USH2A: variants seen among roughly 807,000 people sequenced by gnomAD.
USH2A encodes usherin, also known as Usher syndrome 2A (autosomal recessive, mild).
In USH2A, 443 loss-of-function variants were observed where a neutral mutation model predicts 538.9. The ratio of observed to expected loss-of-function variants is 0.82; its 90% CI spans 0.76 to 0.89. The LOEUF is 0.89. Ranked by LOEUF, USH2A falls within the 40% of genes least tolerant of loss-of-function variation. The probability of loss-of-function intolerance (pLI) is 0.00; values close to 1 mark genes in which losing one functional copy is unlikely to be tolerated. For missense variants in USH2A, 6,633 were observed against 6,324.8 expected, an observed-to-expected ratio of 1.05 and a Z score of -1.65; for synonymous variants, 2,413 against 2,273.5, an observed-to-expected ratio of 1.06 and a Z score of -1.75.
chr1:216,377,826 A>G (rs12745849), intron 3 of USH2A, among the ~76,000 whole-genome samples: 5 of 92,348 alleles, frequency 5.4e-5, no homozygotes, highest in African/African-American at 1.5e-4. Context: ...AAAGAAAGAA[A>G]GAAAGAAAGA....
At chr1:215,658,577 G>T (rs889521276) in intron 64 of USH2A, among the ~76,000 whole-genome samples, 2 of 152,146 alleles carry the variant, frequency 1.3e-5, no homozygotes, top group Non-Finnish European at 2.9e-5. Flanking sequence ...ATTAAAAGAA[G>T]GCCTGTACAC....
chr1:216,060,852 C>T (rs185543472), intron 30 of USH2A, among the ~76,000 whole-genome samples: 50 of 152,288 alleles, frequency 3.3e-4, no homozygotes, highest in Admixed American at 2.9e-3. Flanking sequence ...AGTTTCTGAG[C>T]AGTCCTCAGT....
intron 30 of USH2A, among the ~76,000 whole-genome samples, chr1:216,052,014 C>G (rs2030802899): frequency 6.6e-6 from 1 of 152,088 alleles, no homozygotes. Flanking sequence ...ACTAAGTGAT[C>G]TTTAGTGTTT....
At chr1:216,102,450 C>T (rs1283005145) in intron 21 of USH2A, among the ~76,000 whole-genome samples, 1 of 151,462 alleles carries the variant, frequency 6.6e-6, no homozygotes, top group African/African-American at 2.4e-5. Context: ...ATGCAACATT[C>T]ATAAACTACT....
At chr1:216,005,452 A>G (rs1327721895) in intron 32 of USH2A, among the ~76,000 whole-genome samples, 1 of 152,174 alleles carries the variant, frequency 6.6e-6, no homozygotes, top group Non-Finnish European at 1.5e-5. Context: ...AATATTTTTT[A>G]TCATGTTCAG....
chr1:216,078,135 G>A lies in USH2A; in HGVS notation c.5526C>T (p.Ile1842=). The A allele has an allele frequency of 6.2e-7, 1 of 1,613,702 alleles. No homozygotes were observed. The highest frequency in any genetic ancestry group is 8.5e-7 in the Non-Finnish European group (1 of 1,179,772). ...VVNSPVYVGG[I]PQELLNSYQH... ...GATAAGAGTTCAGCAGTTCCTGTGGGATTCCTCCCACATAAACTGGTGAAT... is the reference window on the plus strand; with the variant it reads ...GATAAGAGTTCAGCAGTTCCTGTGGAATTCCTCCCACATAAACTGGTGAAT... The change falls in exon 27 of 72, where the codon ATC becomes ATT. Residue 1842 remains isoleucine, a synonymous_variant. Coordinates refer to ENST00000307340, the MANE Select transcript of USH2A (RefSeq NM_206933.4).
chr1:215,772,074 T>G (rs1199699631), intron 55 of USH2A, among the ~76,000 whole-genome samples: 1 of 152,166 alleles, frequency 6.6e-6, no homozygotes, highest in Non-Finnish European at 1.5e-5. Flanking sequence ...TCTGTAAAAC[T>G]CAATAAAATG....
At chr1:215,841,886 A>T (rs909086612) in intron 46 of USH2A, among the ~76,000 whole-genome samples, 1 of 152,196 alleles carries the variant, frequency 6.6e-6, no homozygotes, top group Non-Finnish European at 1.5e-5. Context: ...GGCAAAGGAC[A>T]TGAACAGACA....
At chr1:215,636,532 A>G (rs1385594232) in intron 69 of USH2A, among the ~76,000 whole-genome samples, 1 of 152,204 alleles carries the variant, frequency 6.6e-6, no homozygotes, top group East Asian at 1.9e-4. Flanking sequence ...TAGGTTGCAC[A>G]CTAAAAGAGT....
chr1:216,289,006 C>T lies in USH2A; in HGVS notation c.1971+274G>A, dbSNP rs56376053. Reference sequence around the variant, plus strand: ...TTCACCAATAATTCCAAGACATATACCCCAATTTACTTAGAACCCCTACCC... The same window carrying T: ...TTCACCAATAATTCCAAGACATATATCCCAATTTACTTAGAACCCCTACCC... On this transcript the variant is annotated intron_variant, in intron 11 of 71. Coordinates refer to ENST00000307340, the MANE Select transcript of USH2A (RefSeq NM_206933.4). Among the ~76,000 whole-genome samples the T allele has an allele frequency of 7.9e-3, 1,199 of 152,100 alleles. 7 individuals are homozygous for T. Among genetic ancestry groups the T allele is most frequent in the Non-Finnish European group, 0.011 (762 of 67,990 alleles).
At chr1:216,119,144 G>A (rs1042771638) in intron 21 of USH2A, among the ~76,000 whole-genome samples, 1 of 152,024 alleles carries the variant, frequency 6.6e-6, no homozygotes, top group African/African-American at 2.4e-5. Flanking sequence ...TATTCAAAAG[G>A]CTTATTTTTA....
intron 32 of USH2A, among the ~76,000 whole-genome samples, chr1:216,023,891 A>T (rs1668903240): frequency 6.6e-6 from 1 of 152,058 alleles, no homozygotes. Context: ...AAAAATTAAA[A>T]CTAGTAGAGT....
chr1:215,766,892 A>AT, intron 55 of USH2A, 104 bp from the exon 56 acceptor site: 1 of 1,067,010 alleles, frequency 9.4e-7, no homozygotes, highest in Non-Finnish European at 1.4e-6. Flanking sequence ...TAGCCAAAAC[A>AT]TTTAAGAGTA....
In USH2A at chr1:216,196,669, TGA is replaced by T. The variant is rs397518015; in HGVS notation, c.4133_4134del (p.Leu1378GlnfsTer10). 2 of 1,613,454 alleles carry T rather than the reference TGA, an allele frequency of 1.2e-6. No homozygotes were observed. The highest frequency in any genetic ancestry group is 1.7e-6 in the Non-Finnish European group (2 of 1,179,646). On this transcript the variant is annotated frameshift_variant, in exon 19 of 72. Coordinates refer to ENST00000307340, the MANE Select transcript of USH2A (RefSeq NM_206933.4). LOFTEE classifies it high-confidence loss of function. Reference sequence around the variant, plus strand: ...TCTGCTGGCTTCTCCCAGGAGATATTGAGAGAGTACGAAGAGAGGGGAAAGAC... The same window carrying T: ...TCTGCTGGCTTCTCCCAGGAGATATTGAGAGTACGAAGAGAGGGGAAAGAC... Reference protein sequence around the residue: ...PSVFPLSSYSLNISWEKPADN... With the variant: ...PSVFPLSSYSXNISWEKPADN...
chr1:216,173,896 A>G (rs1307196535), intron 21 of USH2A: 1 of 895,030 alleles, frequency 1.1e-6, no homozygotes, highest in Non-Finnish European at 1.3e-6. Flanking sequence ...TTGAGAAAAG[A>G]GTTTTACTAT....
intron 44 of USH2A, among the ~76,000 whole-genome samples, chr1:215,848,331 T>C (rs1402911503): frequency 1.3e-5 from 2 of 152,234 alleles, no homozygotes; most frequent in African/African-American, 4.8e-5. Context: ...GCCCTAAAGA[T>C]ATAATATTAA....
chr1:215,900,795 G>T lies in USH2A; in HGVS notation c.7411C>A (p.Leu2471Ile). 6.2e-7 allele frequency: 1 copy of T among 1,613,790 alleles called. No individual in the cohort carries two copies. The highest frequency in any genetic ancestry group is 8.5e-7 in the Non-Finnish European group (1 of 1,179,798). The change falls in exon 39 of 72, where the codon CTC (leucine) becomes ATC (isoleucine). Residue 2471 changes from leucine to isoleucine, a missense_variant. Leu to Ile is a conservative substitution (Grantham distance 5, BLOSUM62 2). Transcript: ENST00000307340. ...GTGGAGTCGCCAGACCTCATCTGGAGTTGGTATCTGGGAGAGCCAGGAGCG... is the reference window on the plus strand; with the variant it reads ...GTGGAGTCGCCAGACCTCATCTGGATTTGGTATCTGGGAGAGCCAGGAGCG... ...NNAPGSPRYQLQMRSGDSTHG... is the reference protein window; with the variant it reads ...NNAPGSPRYQIQMRSGDSTHG...
At chr1:216,375,002 G>A (rs2038791911) in intron 3 of USH2A, among the ~76,000 whole-genome samples, 1 of 152,022 alleles carries the variant, frequency 6.6e-6, no homozygotes, top group African/African-American at 2.4e-5. Flanking sequence ...TCTCCCCTCA[G>A]TGGATGGCTG....
intron 32 of USH2A, among the ~76,000 whole-genome samples, chr1:216,022,380 G>C (rs902597527): frequency 5.9e-5 from 9 of 152,080 alleles, no homozygotes; most frequent in African/African-American, 2.2e-4. Flanking sequence ...TGAACATTGT[G>C]AACAACGTGG....
Sources: gnomAD v4.1 joint callset for allele counts (sites outside exome capture counted in the v4.1 genomes callset) on GRCh38, gnomAD v4.1.1 for gene constraint, MANE v1.5 for transcripts, NCBI Gene and HGNC (gene_info 2026-07-23, HGNC 2026-07-21) for gene names.